NCKAP1: variants seen among roughly 807,000 people sequenced by gnomAD.
NCKAP1 encodes the protein nck-associated protein 1.
Under a neutral mutation model 151.2 loss-of-function variants are expected in NCKAP1, and 21 were observed. The observed-to-expected ratio is 0.14, with a 90% CI of 0.10 to 0.20. NCKAP1 has a LOEUF of 0.20. Among genes scored for constraint, NCKAP1 ranks in the 10% least tolerant of loss-of-function variants. The probability of loss-of-function intolerance (pLI) is 1.00; values close to 1 mark genes in which losing one functional copy is unlikely to be tolerated. For missense variants in NCKAP1, 933 were observed against 1,352.1 expected (o/e 0.69, Z 4.86); for synonymous variants, 484 against 451.8 (o/e 1.07, Z -0.90).
intron 8 of NCKAP1, among the ~76,000 whole-genome samples, chr2:182,991,445 A>C (rs569069014): frequency 2.8e-4 from 42 of 152,076 alleles, no homozygotes; most frequent in African/African-American, 9.4e-4. Context: ...TATAATCCCA[A>C]CTATATGGGA....
chr2:183,006,186 A>G (rs1029533573), intron 2 of NCKAP1, among the ~76,000 whole-genome samples: 1 of 152,196 alleles, frequency 6.6e-6, no homozygotes, highest in Non-Finnish European at 1.5e-5. Context: ...TTGGTAGGTG[A>G]TGCTAGAAAG....
At chr2:182,971,572 C>CA (rs1173335419) in intron 15 of NCKAP1, among the ~76,000 whole-genome samples, 94 of 145,450 alleles carry the variant, frequency 6.5e-4, no homozygotes, top group East Asian at 1.8e-3. Flanking sequence ...CAAACAACAA[C>CA]AAAAAAAAAA....
At chr2:182,983,529 G>A (rs938833437) in intron 10 of NCKAP1, 147 bp from the exon 11 acceptor site, 17 of 525,380 alleles carry the variant, frequency 3.2e-5, no homozygotes, top group Admixed American at 1.4e-4. Flanking sequence ...TGTGTCTATC[G>A]TTAAGTGAGT....
intron 1 of NCKAP1, among the ~76,000 whole-genome samples, chr2:183,026,287 T>C (rs1210485841): frequency 2.0e-5 from 3 of 151,918 alleles, no homozygotes; most frequent in East Asian, 3.9e-4. Flanking sequence ...TTAAATTAGC[T>C]TGTAGAGAAG....
intron 23 of NCKAP1, among the ~76,000 whole-genome samples, chr2:182,942,789 T>G (rs1407689618): frequency 6.6e-6 from 1 of 151,810 alleles, no homozygotes; most frequent in Non-Finnish European, 1.5e-5. Flanking sequence ...TCAAGAAAAG[T>G]ATAACTCATT....
chr2:182,951,650 A>C (rs1697219701), intron 23 of NCKAP1, among the ~76,000 whole-genome samples: 1 of 149,420 alleles, frequency 6.7e-6, no homozygotes, highest in Non-Finnish European at 1.5e-5. Flanking sequence ...AAAAAAAAAA[A>C]AACAAACAAA....
Position 183,038,076 on chromosome 2 carries a change from G to T in NCKAP1, c.24C>A (p.Pro8=). The T allele has an allele frequency of 6.3e-7, 1 of 1,586,926 alleles. No homozygotes were observed. Among genetic ancestry groups the T allele is most frequent in the Non-Finnish European group, 8.5e-7 (1 of 1,173,882 alleles). The change falls in exon 1 of 31, where the codon CCC becomes CCA. Residue 8 remains proline (P), a synonymous_variant. Transcript: ENST00000361354. MSRSVLQ[P]SQQKLAEKLT... is the part of the protein sequence containing the mutation. ...GCTTCTCCGCCAGCTTCTGCTGACT[G>T]GGCTGCAGCACTGAGCGCGACATGG...
At chr2:182,937,523 C>A (rs1696902778) in intron 24 of NCKAP1, among the ~76,000 whole-genome samples, 1 of 152,086 alleles carries the variant, frequency 6.6e-6, no homozygotes, top group Non-Finnish European at 1.5e-5. Context: ...CAAATAATAG[C>A]TTTTGAAGGT....
At chr2:182,989,960 G>A (rs573458918) in intron 8 of NCKAP1, among the ~76,000 whole-genome samples, 9 of 150,280 alleles carry the variant, frequency 6.0e-5, no homozygotes, top group Admixed American at 3.3e-4. Context: ...ACTGCACTCC[G>A]GCCTGGGTGA....
intron 14 of NCKAP1, among the ~76,000 whole-genome samples, chr2:182,978,406 G>C (rs1324456068): frequency 6.6e-6 from 1 of 152,096 alleles, no homozygotes; most frequent in Non-Finnish European, 1.5e-5. Flanking sequence ...TAACTGCGAG[G>C]TTAACCCTCA....
chr2:182,943,025 T>C (rs1697029336), intron 23 of NCKAP1, among the ~76,000 whole-genome samples: 1 of 152,176 alleles, frequency 6.6e-6, no homozygotes, highest in Admixed American at 6.5e-5. Flanking sequence ...TCTTTCACAA[T>C]GTAAGTGAAG....
At position 182,912,732 on chromosome 2, in the gene NCKAP1, G is replaced by A. The variant is rs1340603678; in HGVS notation, c.*12970C>T. 1.3e-5 allele frequency: 2 copies of A among 152,144 alleles called. No homozygotes were observed. The highest frequency in any genetic ancestry group is 1.3e-4 in the Admixed American group (2 of 15,260). 9.4% of individuals were successfully genotyped at this position (152,144 alleles called of 1,614,324 possible). A position where few individuals can be genotyped will look rare whatever the true frequency, so the allele number is the denominator to read the frequency against. On this transcript the variant is annotated 3_prime_UTR_variant, in exon 31 of 31. Transcript: ENST00000361354. ...TCCTTCGTCATTGAAACTAATACAC[G>A]CTCTAACCTTTATAGCTTTTCACTT...
rs551367225 is a variant in NCKAP1 at position 182,988,979 on chromosome 2, C to T, written c.947+51G>A. On this transcript the variant is annotated intron_variant, in intron 9 of 30. Coordinates refer to ENST00000361354, the MANE Select transcript of NCKAP1 (RefSeq NM_013436.5). The stretch of plus-strand genomic sequence containing the variant: ...ATCCCCAAAACTTCAGTAAAGATAA[C>T]TCACTCACCACCCTTCTCCAAAAAA... 11 of 1,518,938 alleles carry T rather than the reference C, an allele frequency of 7.2e-6. No homozygotes were observed. The East Asian group carries it at 2.5e-4, about 34-fold the overall frequency. The allele number at this position is 1,518,938 out of a possible 1,614,324, so 94.1% of individuals were successfully genotyped here. A position where few individuals can be genotyped will look rare whatever the true frequency, so the allele number is the denominator to read the frequency against.
Position 183,003,230 on chromosome 2 carries a change from T to C in NCKAP1, c.312+3A>G, listed in dbSNP as rs776264920. On this transcript the variant is annotated splice_donor_region_variant and intron_variant, in intron 3 of 30. Coordinates refer to ENST00000361354, the MANE Select transcript of NCKAP1 (RefSeq NM_013436.5). ...GTTAAATATTATATATTAAAATACATACCTTAAATTCCATAACATCTACAA... is the reference window on the plus strand; with the variant it reads ...GTTAAATATTATATATTAAAATACACACCTTAAATTCCATAACATCTACAA... 127 of 1,460,314 alleles carry C rather than the reference T, an allele frequency of 8.7e-5. No individual in the cohort carries two copies. The highest frequency in any genetic ancestry group is 1.2e-4 in the Non-Finnish European group (124 of 1,061,862). The allele number at this position is 1,460,314 out of a possible 1,614,324, so 90.5% of individuals were successfully genotyped here. A position where few individuals can be genotyped will look rare whatever the true frequency, so the allele number is the denominator to read the frequency against.
At chr2:183,012,010 C>T (rs1410104276) in intron 2 of NCKAP1, among the ~76,000 whole-genome samples, 2 of 152,152 alleles carry the variant, frequency 1.3e-5, no homozygotes, top group Admixed American at 6.5e-5. Context: ...GTACAGGGAA[C>T]TCCCAATTGT....
intron 30 of NCKAP1, among the ~76,000 whole-genome samples, chr2:182,926,155 C>G (rs6730114): frequency 0.67 from 101,978 of 151,680 alleles, 37,569 homozygotes; most frequent in East Asian, 0.96. Context: ...TCAACTCTAC[C>G]TGGCAATCAA....
chr2:183,009,048 T>C (rs1179725256), intron 2 of NCKAP1, among the ~76,000 whole-genome samples: 2 of 152,126 alleles, frequency 1.3e-5, no homozygotes, highest in Admixed American at 1.3e-4. Context: ...AAATGCATTT[T>C]TCTGAGGAAA....
intron 20 of NCKAP1, among the ~76,000 whole-genome samples, chr2:182,955,139 T>A (rs1454076015): frequency 6.6e-6 from 1 of 152,238 alleles, no homozygotes; most frequent in Non-Finnish European, 1.5e-5. Context: ...AGTCAACTGA[T>A]AATTTAACAC....
intron 2 of NCKAP1, among the ~76,000 whole-genome samples, chr2:183,006,434 T>C (rs530910828): frequency 3.3e-4 from 51 of 152,364 alleles, no homozygotes; most frequent in African/African-American, 1.2e-3. Context: ...TTACCCATAG[T>C]ATTTCTAATA....
Sources: allele counts gnomAD v4.1 joint callset (sites outside exome capture counted in the v4.1 genomes callset), GRCh38; gene constraint gnomAD v4.1.1; transcripts MANE v1.5; gene names NCBI Gene and HGNC (gene_info 2026-07-23, HGNC 2026-07-21).